TRMT2B: variants seen among roughly 807,000 people sequenced by gnomAD.
The protein encoded by TRMT2B is tRNA (uracil-5-)-methyltransferase homolog B.
TRMT2B carries 34 observed loss-of-function variants against 39.7 expected under a neutral mutation model. That is an observed-to-expected ratio of 0.86 (90% CI 0.65 to 1.14). TRMT2B has a LOEUF of 1.14. TRMT2B is among the 50% of genes most tolerant of loss of function. The pLI is 0.00. For missense variants in TRMT2B, 318 were observed against 377.2 expected, an observed-to-expected ratio of 0.84 and a Z score of 1.30; for synonymous variants, 132 against 137.3, an observed-to-expected ratio of 0.96 and a Z score of 0.27.
intron 11 of TRMT2B, 37 bp downstream of exon 11, chrX:101,020,450 C>T (rs769718451): frequency 9.2e-7 from 1 of 1,083,733 alleles, no homozygotes; most frequent in African/African-American, 1.8e-5. Context: ...GAAACAACTG[C>T]ATCCCTTAAT....
At chrX:101,028,985 T>C (rs964351728) in intron 7 of TRMT2B, among the ~76,000 whole-genome samples, 11 of 111,828 alleles carry the variant, frequency 9.8e-5, no homozygotes, top group African/African-American at 3.6e-4. Context: ...TGTGAGTCAA[T>C]TAAACCTCTT....
chrX:101,047,784 T>C (rs1165250072), intron 2 of TRMT2B, among the ~76,000 whole-genome samples: 1 of 109,813 alleles, frequency 9.1e-6, no homozygotes, highest in African/African-American at 3.3e-5. Context: ...TAGGCCAAGA[T>C]TGCAACAGAG....
At chrX:100,990,424 G>A in the TRMT2B span, 1 of 954,124 alleles carries the variant, frequency 1.0e-6, no homozygotes, top group Non-Finnish European at 1.3e-6. Context: ...TAGCAAACAG[G>A]TTCATCTCCA....
At chrX:101,015,136 T>C (rs912286539) in intron 13 of TRMT2B, among the ~76,000 whole-genome samples, 1 of 111,951 alleles carries the variant, frequency 8.9e-6, no homozygotes, top group African/African-American at 3.2e-5. Context: ...GGATGTGGCA[T>C]AGTTGATTTA....
chrX:101,048,527 C>T, intron 2 of TRMT2B, among the ~76,000 whole-genome samples: 1 of 112,423 alleles, frequency 8.9e-6, no homozygotes, highest in South Asian at 3.7e-4. Flanking sequence ...GCAACCTCCG[C>T]TGCCTGTGTC....
chrX:101,028,101 T>A (rs1436073098), intron 7 of TRMT2B, among the ~76,000 whole-genome samples: 2 of 107,866 alleles, frequency 1.9e-5, no homozygotes, highest in African/African-American at 3.4e-5. Flanking sequence ...AGCCATTTTT[T>A]ACTTCTTGCT....
the TRMT2B span, among the ~76,000 whole-genome samples, chrX:101,002,156 C>T: frequency 9.0e-6 from 1 of 111,213 alleles, no homozygotes; most frequent in Non-Finnish European, 1.9e-5. Flanking sequence ...CTCAATTCCC[C>T]GTATGGCCTG....
chrX:101,045,024 C>CT (rs2088542694), intron 2 of TRMT2B, among the ~76,000 whole-genome samples: 2 of 92,915 alleles, frequency 2.2e-5, no homozygotes, highest in Non-Finnish European at 4.3e-5. Context: ...GAGCAAAACT[C>CT]TGTCTCAAAA....
At chrX:100,993,712 A>G in the TRMT2B span, among the ~76,000 whole-genome samples, 1 of 111,959 alleles carries the variant, frequency 8.9e-6, no homozygotes, top group Non-Finnish European at 1.9e-5. Context: ...TCAATCACAA[A>G]AAGTTATTTA....
intron 2 of TRMT2B, among the ~76,000 whole-genome samples, chrX:101,046,026 G>T (rs1282624693): frequency 4.8e-5 from 5 of 103,987 alleles, no homozygotes; most frequent in African/African-American, 1.8e-4. Context: ...TGTACCTGTA[G>T]TCCCAGCTAC....
the TRMT2B span, among the ~76,000 whole-genome samples, chrX:100,984,568 G>A: frequency 8.9e-6 from 1 of 112,654 alleles, no homozygotes; most frequent in African/African-American, 3.2e-5. Context: ...TCTTGGAAGA[G>A]ATATGTGGGA....
intron 3 of TRMT2B, 57 bp downstream of exon 3, chrX:101,041,985 C>A: frequency 8.6e-6 from 10 of 1,166,811 alleles, no homozygotes; most frequent in Non-Finnish European, 1.2e-5. Flanking sequence ...TACAGAATTT[C>A]AGCAGATGTA....
At chrX:100,996,178 C>T in the TRMT2B span, among the ~76,000 whole-genome samples, 1 of 111,297 alleles carries the variant, frequency 9.0e-6, no homozygotes, top group South Asian at 3.8e-4. Context: ...CACACAAAGA[C>T]AAATATCGTA....
At chrX:100,985,950 C>T in the TRMT2B span, 1 of 1,183,798 alleles carries the variant, frequency 8.4e-7, no homozygotes, top group East Asian at 3.0e-5. Flanking sequence ...ATTTCTGCTT[C>T]CCAATTTGTA....
chrX:101,039,450 T>C (rs1301623002), intron 4 of TRMT2B, among the ~76,000 whole-genome samples: 2 of 112,063 alleles, frequency 1.8e-5, no homozygotes, highest in African/African-American at 6.5e-5. Context: ...TATATCACAC[T>C]AAGCAAAATC....
At chrX:101,022,949 T>A (rs1029191861) in intron 8 of TRMT2B, among the ~76,000 whole-genome samples, 9 of 112,399 alleles carry the variant, frequency 8.0e-5, no homozygotes, top group Non-Finnish European at 1.7e-4. Flanking sequence ...TGCTATTTAC[T>A]GATTCTTTAA....
chrX:100,987,324 C>T, the TRMT2B span: 2 of 1,093,828 alleles, frequency 1.8e-6, no homozygotes, highest in Non-Finnish European at 2.5e-6. Flanking sequence ...ATGAGAGTGA[C>T]TGGTTCTGCG....
chrX:101,019,635 CTT>C (rs1160894269), intron 11 of TRMT2B, among the ~76,000 whole-genome samples: 1 of 102,899 alleles, frequency 9.7e-6, no homozygotes, highest in East Asian at 3.1e-4. Context: ...GTGTTTACAC[CTT>C]TTTTTTTTTC....
At chrX:101,004,563 A>G (rs2086088392), downstream of TRMT2B, among the ~76,000 whole-genome samples, 1 of 110,329 alleles carries the variant, frequency 9.1e-6, no homozygotes, top group Non-Finnish European at 1.9e-5. Flanking sequence ...GTGCAATGGC[A>G]CAATCTCAGC....
Sources: gnomAD v4.1 joint callset for allele counts (sites outside exome capture counted in the v4.1 genomes callset) on GRCh38, gnomAD v4.1.1 for gene constraint, MANE v1.5 for transcripts, NCBI Gene and HGNC (gene_info 2026-07-23, HGNC 2026-07-21) for gene names.